Variants in SLC12A8 observed in about 807,000 individuals in gnomAD.
The protein encoded by SLC12A8 is cation-chloride cotransporter 9.
In SLC12A8, 69 loss-of-function variants were observed where a neutral mutation model predicts 75.6. The observed-to-expected ratio is 0.91, with a 90% confidence interval of 0.75 to 1.11. The LOEUF (loss-of-function observed/expected upper bound fraction) is 1.11, where lower values mean the gene tolerates loss of function less well. Among genes scored for constraint, SLC12A8 ranks in the 50% most tolerant of loss-of-function variants. SLC12A8 has a pLI of 0.00. For missense variants in SLC12A8, 877 were observed against 896.7 expected, an observed-to-expected ratio of 0.98 and a Z score of 0.28; for synonymous variants, 365 against 372.8, an observed-to-expected ratio of 0.98 and a Z score of 0.24.
At position 125,177,823 on chromosome 3, in the gene SLC12A8, C is replaced by T. The variant is rs147013897; in HGVS notation, c.542G>A (p.Arg181His). 66 of 1,614,168 alleles carry T rather than the reference C, an allele frequency of 4.1e-5. No homozygotes were observed. In the African/African-American group the frequency reaches 6.3e-4, roughly 15 times the overall value. The change falls in exon 5 of 14, where the codon CGC (arginine) becomes CAC (histidine). Residue 181 changes from arginine to histidine, a missense_variant. Arg to His is a conservative substitution (Grantham distance 29, BLOSUM62 0). Transcript: ENST00000469902. The stretch of plus-strand genomic sequence containing the variant: ...CAGGAACAGCAACAGCAGCTGGAGG[C>T]GGATTATCCATTTGACACCTGCGAG... The part of the protein sequence containing the change: ...INLAGVKWII[R>H]LQLLLLFLLA...
chr3:125,083,635 T>G lies in SLC12A8; in HGVS notation c.*255A>C, dbSNP rs1560045224. On this transcript the variant is annotated 3_prime_UTR_variant, in exon 14 of 14. Transcript: ENST00000469902. ...TACTCAGGAGGCTGAGGCAGGAGAA[T>G]TGCTTGAACTCGGGAAGCAGAGGTT... The G allele has an allele frequency of 2.8e-6, 1 of 356,068 alleles. No homozygotes were observed. Among genetic ancestry groups the G allele is most frequent in the Non-Finnish European group, 5.2e-6 (1 of 192,888 alleles). 22.1% of individuals were successfully genotyped at this position (356,068 alleles called of 1,614,324 possible). A position where few individuals can be genotyped will look rare whatever the true frequency, so the allele number is the denominator to read the frequency against.
chr3:125,153,509 T>C (rs1183889630), intron 5 of SLC12A8, among the ~76,000 whole-genome samples: 1 of 152,210 alleles, frequency 6.6e-6, no homozygotes, highest in Non-Finnish European at 1.5e-5. Flanking sequence ...CTTCTTCATT[T>C]AGGACACATC....
intron 4 of SLC12A8, 56 bp downstream of exon 4, chr3:125,187,181 C>T: frequency 6.4e-7 from 1 of 1,571,286 alleles, no homozygotes; most frequent in Non-Finnish European, 8.7e-7. Flanking sequence ...AGGAAATGGA[C>T]AAGAAGAAAG....
chr3:125,190,991 A>G (rs1934899311), intron 2 of SLC12A8, among the ~76,000 whole-genome samples: 1 of 152,080 alleles, frequency 6.6e-6, no homozygotes, highest in South Asian at 2.1e-4. Flanking sequence ...AGCCCTCTTC[A>G]TCCTCCAGTC....
intron 2 of SLC12A8, among the ~76,000 whole-genome samples, chr3:125,199,600 G>A (rs1269901293): frequency 2.0e-5 from 3 of 151,018 alleles, no homozygotes; most frequent in Non-Finnish European, 4.4e-5. Context: ...AAAAAAAAAG[G>A]CCAGGTGTGG....
In SLC12A8 at chr3:125,185,096, G is replaced by A. The variant is rs139471950; in HGVS notation, c.390+2141C>T. On this transcript the variant is annotated intron_variant, in intron 4 of 13. Coordinates refer to ENST00000469902, the MANE Select transcript of SLC12A8 (RefSeq NM_024628.6). ...AGCACTTTGGGAGGCCGAGGCGGGC[G>A]GATCACCTCAGGTCGGGAGTTCAAA... Among the ~76,000 whole-genome samples, 715 of 152,244 alleles carry A rather than the reference G, an allele frequency of 4.7e-3. 7 individuals carry two copies. Among genetic ancestry groups the A allele is most frequent in the Middle Eastern group, 0.014 (4 of 294 alleles).
intron 4 of SLC12A8, among the ~76,000 whole-genome samples, chr3:125,179,704 TGAGAGAGAGA>T (rs5852445): frequency 1.5e-4 from 22 of 150,378 alleles, no homozygotes; most frequent in African/African-American, 4.9e-4. Flanking sequence ...CAATCATTTC[TGAGAGAGAGA>T]GAGAGAGAGA....
At chr3:125,134,749 A>G (rs922223806) in intron 6 of SLC12A8, among the ~76,000 whole-genome samples, 3 of 152,158 alleles carry the variant, frequency 2.0e-5, no homozygotes, top group African/African-American at 4.8e-5. Flanking sequence ...TCAATCTTAG[A>G]CACTCTAGTA....
intron 5 of SLC12A8, among the ~76,000 whole-genome samples, chr3:125,172,803 G>T (rs990090130): frequency 1.3e-5 from 2 of 152,140 alleles, no homozygotes; most frequent in African/African-American, 2.4e-5. Context: ...GTTTGGAATT[G>T]TTTCGTTGTT....
intron 6 of SLC12A8, among the ~76,000 whole-genome samples, chr3:125,127,433 G>C (rs1933235185): frequency 6.6e-6 from 1 of 152,214 alleles, no homozygotes; most frequent in Non-Finnish European, 1.5e-5. Flanking sequence ...GGGGTTTACC[G>C]CTTACTGGCT....
intron 10 of SLC12A8, among the ~76,000 whole-genome samples, chr3:125,106,658 T>A (rs555017850): frequency 6.6e-6 from 1 of 152,270 alleles, no homozygotes; most frequent in South Asian, 2.1e-4. Context: ...GCCAAAACAC[T>A]ATTTTTCAGA....
chr3:125,207,783 C>T (rs1293594071), intron 2 of SLC12A8, among the ~76,000 whole-genome samples: 1 of 152,206 alleles, frequency 6.6e-6, no homozygotes, highest in Non-Finnish European at 1.5e-5. Context: ...CTGTTCACCT[C>T]CCTCTGCACT....
At chr3:125,170,890 G>A (rs1934393605) in intron 5 of SLC12A8, among the ~76,000 whole-genome samples, 1 of 152,192 alleles carries the variant, frequency 6.6e-6, no homozygotes, top group Admixed American at 6.5e-5. Flanking sequence ...ACTCCAGCCT[G>A]GGTGACAGAG....
Position 125,187,438 on chromosome 3 carries a change from A to G in SLC12A8, c.199-10T>C, listed in dbSNP as rs1448924439. 6.2e-7 allele frequency: 1 copy of G among 1,613,176 alleles called. No individual in the cohort carries two copies. Among genetic ancestry groups the G allele is most frequent in the Non-Finnish European group, 8.5e-7 (1 of 1,179,544 alleles). Reference sequence around the variant, plus strand: ...GCACTCCTGTGTTTCCCTGCAGCAGAATAGCAAGGAGCAAGGTTGGATTAG... The same window carrying G: ...GCACTCCTGTGTTTCCCTGCAGCAGGATAGCAAGGAGCAAGGTTGGATTAG... On this transcript the variant is annotated splice_polypyrimidine_tract_variant and intron_variant, in intron 3 of 13. Coordinates refer to ENST00000469902, the MANE Select transcript of SLC12A8 (RefSeq NM_024628.6).
intron 5 of SLC12A8, among the ~76,000 whole-genome samples, chr3:125,160,986 C>T (rs1934156257): frequency 6.6e-6 from 1 of 151,976 alleles, no homozygotes; most frequent in South Asian, 2.1e-4. Flanking sequence ...TGTTGGTTTG[C>T]CTTTAAATAC....
intron 5 of SLC12A8, among the ~76,000 whole-genome samples, chr3:125,163,260 A>T (rs755212650): frequency 6.6e-6 from 1 of 151,786 alleles, no homozygotes; most frequent in Non-Finnish European, 1.5e-5. Context: ...ATATCACACC[A>T]CTGCACTCTA....
At chr3:125,157,561 T>C (rs571822860) in intron 5 of SLC12A8, among the ~76,000 whole-genome samples, 9 of 152,334 alleles carry the variant, frequency 5.9e-5, no homozygotes, top group Non-Finnish European at 1.0e-4. Context: ...TGTACCCTTC[T>C]GGCCCTCTGT....
chr3:125,126,104 TA>T (rs1389994770), intron 6 of SLC12A8: 1 of 168,378 alleles, frequency 5.9e-6, no homozygotes, highest in Non-Finnish European at 1.2e-5. Flanking sequence ...GTGACTTAGG[TA>T]AACAGCTTCC....
chr3:125,127,807 AATT>A (rs1170992703), intron 6 of SLC12A8, among the ~76,000 whole-genome samples: 1 of 152,260 alleles, frequency 6.6e-6, no homozygotes, highest in Non-Finnish European at 1.5e-5. Flanking sequence ...TGATATGTAT[AATT>A]ATTTTGATAA....
Sources: allele counts gnomAD v4.1 joint callset (sites outside exome capture counted in the v4.1 genomes callset), GRCh38; gene constraint gnomAD v4.1.1; transcripts MANE v1.5; gene names NCBI Gene and HGNC (gene_info 2026-07-23, HGNC 2026-07-21).